Variants in GABRB1 observed in about 807,000 individuals in gnomAD.
The protein encoded by GABRB1 is gamma-aminobutyric acid type A receptor subunit beta1.
A neutral mutation model predicts 51.6 loss-of-function variants in GABRB1; 17 were observed. The ratio of observed to expected loss-of-function variants is 0.33; its 90% CI spans 0.23 to 0.49. The LOEUF is 0.49. GABRB1 is among the 20% of genes least tolerant of loss of function. GABRB1 has a pLI of 0.99. For missense variants in GABRB1, 410 were observed against 600.6 expected (o/e 0.68, Z 3.32); for synonymous variants, 247 against 218.9 (o/e 1.13, Z -1.14).
At chr4:47,118,156 G>C (rs1215071821) in intron 3 of GABRB1, among the ~76,000 whole-genome samples, 1 of 152,134 alleles carries the variant, frequency 6.6e-6, no homozygotes, top group Non-Finnish European at 1.5e-5. Context: ...CTGGAATTTA[G>C]TGTAGATGTT....
intron 4 of GABRB1, among the ~76,000 whole-genome samples, chr4:47,283,517 C>T (rs890661130): frequency 6.0e-5 from 9 of 150,726 alleles, no homozygotes; most frequent in Admixed American, 5.3e-4. Context: ...TCCCGAGTAG[C>T]TGGGACTACA....
intron 3 of GABRB1, among the ~76,000 whole-genome samples, chr4:47,104,691 G>C (rs529187540): frequency 4.6e-4 from 70 of 151,818 alleles, no homozygotes; most frequent in Non-Finnish European, 8.5e-4. Context: ...TACTGATTCT[G>C]TTTTTGGCTG....
chr4:47,210,584 T>G (rs781723093), intron 4 of GABRB1, among the ~76,000 whole-genome samples: 121 of 152,306 alleles, frequency 7.9e-4, no homozygotes, highest in Non-Finnish European at 1.5e-3. Flanking sequence ...ACTATTAATT[T>G]TAACAATTTC....
chr4:47,299,808 C>T (rs1291829331), intron 4 of GABRB1, among the ~76,000 whole-genome samples: 3 of 152,144 alleles, frequency 2.0e-5, no homozygotes, highest in South Asian at 2.1e-4. Context: ...TATTGCAGCA[C>T]TATTCACAAT....
intron 1 of GABRB1, among the ~76,000 whole-genome samples, chr4:47,020,386 C>T (rs1724896156): frequency 6.6e-6 from 1 of 152,150 alleles, no homozygotes; most frequent in South Asian, 2.1e-4. Flanking sequence ...CAAATGTATA[C>T]TTCCAACCAA....
intron 4 of GABRB1, among the ~76,000 whole-genome samples, chr4:47,224,668 G>T (rs1329788211): frequency 6.6e-6 from 1 of 152,066 alleles, no homozygotes; most frequent in Non-Finnish European, 1.5e-5. Context: ...AATCTGCCAG[G>T]ACAGACATGG....
At chr4:47,108,894 C>T (rs945810406) in intron 3 of GABRB1, among the ~76,000 whole-genome samples, 1 of 152,012 alleles carries the variant, frequency 6.6e-6, no homozygotes, top group African/African-American at 2.4e-5. Context: ...TACCTATTAT[C>T]TGGAGACATT....
intron 3 of GABRB1, among the ~76,000 whole-genome samples, chr4:47,134,566 G>T (rs961838901): frequency 6.6e-6 from 1 of 152,088 alleles, no homozygotes; most frequent in East Asian, 1.9e-4. Flanking sequence ...CTAAACAATT[G>T]TATTAGATTA....
chr4:47,294,964 C>G (rs1279815374), intron 4 of GABRB1, among the ~76,000 whole-genome samples: 4 of 152,236 alleles, frequency 2.6e-5, no homozygotes, highest in Non-Finnish European at 5.9e-5. Flanking sequence ...ATCCGCTGTT[C>G]TGCAGCCACC....
chr4:47,104,208 A>G (rs1256684824), intron 3 of GABRB1, among the ~76,000 whole-genome samples: 3 of 151,676 alleles, frequency 2.0e-5, no homozygotes, highest in Non-Finnish European at 4.4e-5. Context: ...TTATCACTTT[A>G]AAGCTTTCTC....
intron 5 of GABRB1, among the ~76,000 whole-genome samples, chr4:47,376,555 G>A (rs946531307): frequency 5.3e-5 from 8 of 152,244 alleles, no homozygotes; most frequent in Admixed American, 6.5e-5. Context: ...GCTGAGGCAG[G>A]AGAATGGCGT....
chr4:47,385,061 CTT>C (rs935789613), intron 5 of GABRB1, among the ~76,000 whole-genome samples: 18 of 152,306 alleles, frequency 1.2e-4, no homozygotes, highest in Admixed American at 1.0e-3. Context: ...ACACGAAAGA[CTT>C]TGCCTACAAC....
chr4:47,158,243 G>A (rs550209858), intron 3 of GABRB1, among the ~76,000 whole-genome samples: 1 of 151,920 alleles, frequency 6.6e-6, no homozygotes, highest in Non-Finnish European at 1.5e-5. Flanking sequence ...TATTAATATA[G>A]CATTTATCAT....
chr4:47,171,874 T>G (rs995203480), intron 4 of GABRB1, among the ~76,000 whole-genome samples: 4 of 152,146 alleles, frequency 2.6e-5, no homozygotes, highest in African/African-American at 9.6e-5. Context: ...TTTGCTTCAA[T>G]CAATAGTATG....
intron 3 of GABRB1, among the ~76,000 whole-genome samples, chr4:47,146,295 T>C (rs1577949889): frequency 6.6e-6 from 1 of 152,050 alleles, no homozygotes; most frequent in South Asian, 2.1e-4. Flanking sequence ...TCTCTCTTCC[T>C]TTCTTTTTTT....
At chr4:47,156,659 T>TAA (rs11404833) in intron 3 of GABRB1, among the ~76,000 whole-genome samples, 5 of 151,588 alleles carry the variant, frequency 3.3e-5, no homozygotes, top group East Asian at 1.9e-4. Context: ...CTCTAGATTT[T>TAA]AAAAAAAACA....
At chr4:47,111,067 G>T (rs760622646) in intron 3 of GABRB1, among the ~76,000 whole-genome samples, 1 of 152,108 alleles carries the variant, frequency 6.6e-6, no homozygotes, top group Non-Finnish European at 1.5e-5. Flanking sequence ...CTCTCAGTGC[G>T]ATATGGAAAA....
chr4:47,119,657 C>T (rs1715674702), intron 3 of GABRB1, among the ~76,000 whole-genome samples: 1 of 151,948 alleles, frequency 6.6e-6, no homozygotes, highest in Admixed American at 6.6e-5. Flanking sequence ...TACATGCATG[C>T]ACCACCACAC....
intron 3 of GABRB1, among the ~76,000 whole-genome samples, chr4:47,097,722 A>G (rs1354164101): frequency 2.6e-5 from 4 of 152,216 alleles, no homozygotes; most frequent in Non-Finnish European, 4.4e-5. Flanking sequence ...TAAGAGAATT[A>G]AAATGGAGAC....
Sources: allele counts gnomAD v4.1 joint callset (sites outside exome capture counted in the v4.1 genomes callset), GRCh38; gene constraint gnomAD v4.1.1; transcripts MANE v1.5; gene names NCBI Gene and HGNC (gene_info 2026-07-23, HGNC 2026-07-21).